Variants in INTS9 observed in about 807,000 individuals in gnomAD.
INTS9 encodes the protein integrator complex subunit 9, also known as protein related to CPSF subunits of 74 kDa.
Under a neutral mutation model 79.7 loss-of-function variants are expected in INTS9, and 55 were observed. The ratio of observed to expected loss-of-function variants is 0.69; its 90% confidence interval spans 0.56 to 0.86. The LOEUF (loss-of-function observed/expected upper bound fraction) is 0.86. Among genes scored for constraint, INTS9 ranks in the 40% least tolerant of loss-of-function variants. INTS9 has a pLI of 0.00. For missense variants in INTS9, 721 were observed against 831.5 expected (o/e 0.87, Z 1.64); for synonymous variants, 319 against 325.2 (o/e 0.98, Z 0.20).
At chr8:28,838,578 C>G (rs1806963857) in intron 4 of INTS9, among the ~76,000 whole-genome samples, 1 of 152,204 alleles carries the variant, frequency 6.6e-6, no homozygotes, top group Non-Finnish European at 1.5e-5. Context: ...GAAACCACAT[C>G]TTCCTCAGAA....
At chr8:28,851,434 T>TTTG (rs1001437804) in intron 2 of INTS9, among the ~76,000 whole-genome samples, 2 of 151,334 alleles carry the variant, frequency 1.3e-5, no homozygotes, top group African/African-American at 4.9e-5. Flanking sequence ...TTGTTTTTGT[T>TTTG]TTGTTGTTGT....
chr8:28,851,439 T>C (rs756871215), intron 2 of INTS9, among the ~76,000 whole-genome samples: 1 of 151,184 alleles, frequency 6.6e-6, no homozygotes, highest in Non-Finnish European at 1.5e-5. Flanking sequence ...TTTGTTTTGT[T>C]GTTGTTGTTG....
chr8:28,793,412 A>T (rs539825140), intron 10 of INTS9, among the ~76,000 whole-genome samples: 7 of 152,332 alleles, frequency 4.6e-5, no homozygotes, highest in Non-Finnish European at 8.8e-5. Flanking sequence ...TGCAATTTTT[A>T]AAAATCTAGT....
chr8:28,846,837 A>C, intron 3 of INTS9, 28 bp from the exon 4 acceptor site: 2 of 1,547,844 alleles, frequency 1.3e-6, no homozygotes, highest in Non-Finnish European at 1.8e-6. Context: ...GAAAAATACA[A>C]GGAAGAGATA....
chr8:28,876,368 A>G (rs1293255879), intron 1 of INTS9, among the ~76,000 whole-genome samples: 2 of 152,234 alleles, frequency 1.3e-5, no homozygotes, highest in African/African-American at 4.8e-5. Context: ...AGGGCTTACA[A>G]GATATAATTA....
At chr8:28,814,904 G>A (rs1247390270) in intron 6 of INTS9, among the ~76,000 whole-genome samples, 2 of 152,128 alleles carry the variant, frequency 1.3e-5, no homozygotes, top group African/African-American at 2.4e-5. Context: ...AGCTCAATCA[G>A]ATTACTTTAT....
intron 10 of INTS9, among the ~76,000 whole-genome samples, chr8:28,789,047 A>T (rs565129223): frequency 4.9e-4 from 74 of 152,274 alleles, no homozygotes; most frequent in Non-Finnish European, 9.3e-4. Context: ...AGTTTGGTTT[A>T]AAAAAACATC....
At chr8:28,807,318 T>A (rs1357267869) in intron 8 of INTS9, among the ~76,000 whole-genome samples, 1 of 152,160 alleles carries the variant, frequency 6.6e-6, no homozygotes, top group Non-Finnish European at 1.5e-5. Flanking sequence ...CAGGAAAAGA[T>A]AATCCCTATC....
At chr8:28,770,287 G>T (rs900363460) in intron 15 of INTS9, among the ~76,000 whole-genome samples, 1 of 152,194 alleles carries the variant, frequency 6.6e-6, no homozygotes, top group Non-Finnish European at 1.5e-5. Flanking sequence ...TAAATTTTCA[G>T]GTGGTTCACT....
intron 4 of INTS9, among the ~76,000 whole-genome samples, chr8:28,839,206 TA>T (rs1236754553): frequency 6.6e-6 from 1 of 151,680 alleles, no homozygotes; most frequent in Non-Finnish European, 1.5e-5. Flanking sequence ...TCAAAGAAAA[TA>T]AAATACCTAG....
At chr8:28,811,047 T>TGA (rs1805086978) in intron 8 of INTS9, among the ~76,000 whole-genome samples, 2 of 152,168 alleles carry the variant, frequency 1.3e-5, no homozygotes, top group Non-Finnish European at 2.9e-5. Flanking sequence ...TTAGGGGCCC[T>TGA]TCACTGGCCA....
intron 14 of INTS9, among the ~76,000 whole-genome samples, chr8:28,773,464 A>C (rs1585323948): frequency 1.5e-4 from 1 of 6,690 alleles, no homozygotes; most frequent in African/African-American, 6.9e-4. Flanking sequence ...ACTCCGTCTC[A>C]AAAAAAAAAA....
chr8:28,795,146 A>C (rs1313163703), intron 9 of INTS9, among the ~76,000 whole-genome samples: 2 of 152,210 alleles, frequency 1.3e-5, no homozygotes, highest in African/African-American at 2.4e-5. Flanking sequence ...AATATCACTT[A>C]AAGTTGCTGG....
intron 6 of INTS9, among the ~76,000 whole-genome samples, chr8:28,834,322 G>A (rs1806674145): frequency 1.3e-5 from 2 of 152,016 alleles, no homozygotes; most frequent in South Asian, 2.1e-4. Flanking sequence ...CAAAACAAAC[G>A]TAGTCATTAG....
chr8:28,887,920 CA>C (rs1379535778), intron 1 of INTS9, among the ~76,000 whole-genome samples: 1 of 152,120 alleles, frequency 6.6e-6, no homozygotes, highest in Admixed American at 6.5e-5. Flanking sequence ...ATTTTATGAG[CA>C]AACTAAAATA....
intron 9 of INTS9, among the ~76,000 whole-genome samples, chr8:28,795,799 G>T (rs1178345775): frequency 6.6e-6 from 1 of 152,196 alleles, no homozygotes; most frequent in Non-Finnish European, 1.5e-5. Context: ...ATTGTGAGAA[G>T]TTAATGTCTG....
At position 28,819,503 on chromosome 8, in the gene INTS9, C is replaced by T. The variant is rs188684781; in HGVS notation, c.489-5891G>A. Among the ~76,000 whole-genome samples the T allele has an allele frequency of 3.0e-4, 46 of 152,328 alleles. No individual in the cohort carries two copies. The East Asian group carries it at 8.7e-3, about 29-fold the overall frequency. On this transcript the variant is annotated intron_variant, in intron 6 of 16. Transcript: ENST00000521022. Reference sequence around the variant, plus strand: ...AATCCTGAGTTCTAGTTTGATTGCACTGTTGTCTGAGAGACAGTTTGTTAT... The same window carrying T: ...AATCCTGAGTTCTAGTTTGATTGCATTGTTGTCTGAGAGACAGTTTGTTAT...
chr8:28,800,213 T>C (rs182299530), intron 8 of INTS9, among the ~76,000 whole-genome samples: 2 of 152,246 alleles, frequency 1.3e-5, no homozygotes, highest in Non-Finnish European at 2.9e-5. Context: ...AACAGATGAA[T>C]ATATAAAAAG....
intron 14 of INTS9, among the ~76,000 whole-genome samples, chr8:28,772,537 G>T (rs773135749): frequency 1.3e-5 from 2 of 150,432 alleles, no homozygotes; most frequent in African/African-American, 4.9e-5. Context: ...GGCCGGGCAC[G>T]GTGGTTCACG....
Sources: allele counts gnomAD v4.1 joint callset (sites outside exome capture counted in the v4.1 genomes callset), GRCh38; gene constraint gnomAD v4.1.1; transcripts MANE v1.5; gene names NCBI Gene and HGNC (gene_info 2026-07-23, HGNC 2026-07-21).